The following MCM10 variants were observed in gnomAD, a reference collection of about 807,000 sequenced individuals.
The protein encoded by MCM10 is protein MCM10 homolog.
In MCM10, 91 loss-of-function variants were observed where a neutral mutation model predicts 109.9. That is an observed-to-expected ratio of 0.83 (90% CI 0.70 to 0.99). MCM10 has a LOEUF of 0.99. Ranked by LOEUF, MCM10 falls within the 50% of genes least tolerant of loss-of-function variation. The probability of loss-of-function intolerance (pLI) is 0.00; values close to 1 mark genes in which losing one functional copy is unlikely to be tolerated. For synonymous variants in MCM10, 380 were observed against 387.2 expected, an observed-to-expected ratio of 0.98 and a Z score of 0.22; for missense variants, 1,077 against 1,061.2, an observed-to-expected ratio of 1.01 and a Z score of -0.21.
At chr10:13,171,779 T>G (rs1294129270) in intron 3 of MCM10, among the ~76,000 whole-genome samples, 1 of 152,040 alleles carries the variant, frequency 6.6e-6, no homozygotes, top group Non-Finnish European at 1.5e-5. Context: ...TTTTTTTTTT[T>G]TCCGAGACAG....
At chr10:13,169,335 C>T (rs1015334345) in intron 2 of MCM10, among the ~76,000 whole-genome samples, 2 of 152,210 alleles carry the variant, frequency 1.3e-5, no homozygotes, top group Non-Finnish European at 2.9e-5. Flanking sequence ...CCTATTAAAT[C>T]TCTGCACTTA....
At chr10:13,206,520 C>T (rs1001281816) in intron 18 of MCM10, among the ~76,000 whole-genome samples, 5 of 152,148 alleles carry the variant, frequency 3.3e-5, no homozygotes, top group South Asian at 2.1e-4. Context: ...GCCAGGAAGC[C>T]GGGCTAGTTC....
intron 6 of MCM10, among the ~76,000 whole-genome samples, chr10:13,176,461 C>T (rs933740519): frequency 6.6e-6 from 1 of 152,184 alleles, no homozygotes; most frequent in Non-Finnish European, 1.5e-5. Flanking sequence ...GCTTTTAGCA[C>T]AGTCCATTTG....
chr10:13,169,959 G>A (rs1430182012), intron 2 of MCM10, among the ~76,000 whole-genome samples: 1 of 152,230 alleles, frequency 6.6e-6, no homozygotes, highest in Non-Finnish European at 1.5e-5. Flanking sequence ...TCCTGCCTTG[G>A]CCTCCCCAAG....
At chr10:13,185,258 G>A (rs558340129) in intron 8 of MCM10, among the ~76,000 whole-genome samples, 2 of 152,160 alleles carry the variant, frequency 1.3e-5, no homozygotes, top group Non-Finnish European at 2.9e-5. Context: ...GAGGCTACTT[G>A]GCTTATTGAG....
intron 15 of MCM10, among the ~76,000 whole-genome samples, chr10:13,197,986 C>T (rs1305549915): frequency 6.6e-6 from 1 of 150,524 alleles, no homozygotes; most frequent in Non-Finnish European, 1.5e-5. Context: ...AGTCTTGGCT[C>T]GCTACAGCCT....
intron 5 of MCM10, among the ~76,000 whole-genome samples, chr10:13,173,387 A>G (rs1334832466): frequency 6.6e-6 from 1 of 152,172 alleles, no homozygotes; most frequent in African/African-American, 2.4e-5. Flanking sequence ...ATTTGAAGCC[A>G]GGTCGTATCA....
At chr10:13,200,673 T>C (rs1427802199) in intron 16 of MCM10, among the ~76,000 whole-genome samples, 2 of 152,222 alleles carry the variant, frequency 1.3e-5, no homozygotes, top group East Asian at 3.8e-4. Context: ...CAAGCATCTC[T>C]GCCCTCAGGG....
intron 9 of MCM10, among the ~76,000 whole-genome samples, chr10:13,188,582 G>T (rs577067055): frequency 1.3e-5 from 2 of 152,158 alleles, no homozygotes; most frequent in African/African-American, 2.4e-5. Context: ...ATAGGACCTT[G>T]TGTGTCTGAC....
chr10:13,163,002 C>G (rs1287085417), intron 1 of MCM10, among the ~76,000 whole-genome samples: 1 of 151,894 alleles, frequency 6.6e-6, no homozygotes. Flanking sequence ...TGGCGTGAAC[C>G]CGGGAGGCGG....
At chr10:13,177,668 T>C (rs1488983496) in intron 6 of MCM10, among the ~76,000 whole-genome samples, 1 of 151,898 alleles carries the variant, frequency 6.6e-6, no homozygotes, top group Non-Finnish European at 1.5e-5. Context: ...GCTCAGGAGT[T>C]TGAGACCAGC....
intron 17 of MCM10, 137 bp downstream of exon 17, chr10:13,201,671 G>A (rs905819391): frequency 2.8e-5 from 19 of 666,692 alleles, no homozygotes; most frequent in Middle Eastern, 4.1e-4. Flanking sequence ...AGCAAAGGGC[G>A]CAGGTGGCCC....
chr10:13,188,965 T>A lies in MCM10; in HGVS notation c.1300T>A (p.Ser434Thr). The A allele has an allele frequency of 6.2e-7, 1 of 1,614,194 alleles. No individual in the cohort carries two copies. The highest frequency in any genetic ancestry group is 8.5e-7 in the Non-Finnish European group (1 of 1,180,030). The change falls in exon 10 of 20, where the codon TCT becomes ACT. Residue 434 changes from serine to threonine, a missense_variant. By Grantham distance (58) the Ser-to-Thr change is moderately conservative. Transcript: ENST00000378714. Reference protein sequence around the residue: ...AKRADLQSTFSGGRIPKKFAR... With the variant: ...AKRADLQSTFTGGRIPKKFAR... ...GCGTGCGGATCTGCAGTCCACCTTC[T>A]CTGGAGGACGAATTCCAAAGAAGTT... is the stretch of plus-strand genomic sequence containing the variant.
Position 13,188,952 on chromosome 10 carries a change from G to T in MCM10, c.1287G>T (p.Leu429=). 2.5e-6 allele frequency: 4 copies of T among 1,614,264 alleles called. No individual in the cohort carries two copies. Among genetic ancestry groups the T allele is most frequent in the Non-Finnish European group, 3.4e-6 (4 of 1,180,044 alleles). Residue 429 remains leucine (L), a synonymous_variant, in exon 10 of 20, where the codon CTG becomes CTT. Transcript: ENST00000378714. ...YKKLSAKRAD[L]QSTFSGGRIP... ...AGCTCAGCGCAAAGCGTGCGGATCT[G>T]CAGTCCACCTTCTCTGGAGGACGAA...
chr10:13,184,784 C>T (rs1272975776), intron 8 of MCM10, among the ~76,000 whole-genome samples: 1 of 152,182 alleles, frequency 6.6e-6, no homozygotes, highest in East Asian at 1.9e-4. Context: ...CAGCCTTTCT[C>T]TCCTGGTCAC....
intron 7 of MCM10, among the ~76,000 whole-genome samples, chr10:13,181,767 G>C (rs113700718): frequency 6.6e-5 from 10 of 152,240 alleles, no homozygotes; most frequent in African/African-American, 2.4e-4. Context: ...GTTTTCCTTT[G>C]ATCAAATTCT....
At chr10:13,192,220 G>A in intron 11 of MCM10, 35 bp from the exon 12 acceptor site, 1 of 1,415,570 alleles carries the variant, frequency 7.1e-7, no homozygotes, top group Non-Finnish European at 1.0e-6. Flanking sequence ...CCATCTGAAT[G>A]TGAATCCTCT....
intron 14 of MCM10, among the ~76,000 whole-genome samples, chr10:13,196,138 G>C (rs904546052): frequency 6.6e-6 from 1 of 151,804 alleles, no homozygotes; most frequent in Non-Finnish European, 1.5e-5. Flanking sequence ...TGCACTCCTG[G>C]ACTCAAGCAG....
rs111253091 is a variant in MCM10, at chr10:13,195,154, C to T, written c.1859C>T (p.Pro620Leu). The change falls in exon 14 of 20, where the codon CCG (proline) becomes CTG (leucine). Residue 620 changes from proline to leucine, a missense_variant. Physicochemically the swap from Pro to Leu is moderately conservative, Grantham distance 98. Transcript: ENST00000378714. ...GAGTTCCCCAGGCTGGAGGGAGCCC[C>T]GGCCACAATGACGCCCAAGCTGGGG... ...GSEFPRLEGA[P>L]ATMTPKLGRG... is the part of the protein sequence containing the mutation. 4.2e-5 allele frequency: 68 copies of T among 1,614,000 alleles called. 1 individual carries two copies. The highest frequency in any genetic ancestry group is 1.4e-4 in the South Asian group (13 of 91,070).
Sources: gnomAD v4.1 joint callset for allele counts (sites outside exome capture counted in the v4.1 genomes callset) on GRCh38, gnomAD v4.1.1 for gene constraint, MANE v1.5 for transcripts, NCBI Gene and HGNC (gene_info 2026-07-23, HGNC 2026-07-21) for gene names.